The following RIC1 variants were observed in gnomAD, a reference collection of about 807,000 sequenced individuals.
The protein encoded by RIC1 is RIC1 partner of RAB6A GEF complex.
In RIC1, 88 loss-of-function variants were observed where a neutral mutation model predicts 169.0. The ratio of observed to expected loss-of-function variants is 0.52; its 90% CI spans 0.44 to 0.62. The LOEUF (loss-of-function observed/expected upper bound fraction) is 0.62. Ranked by LOEUF, RIC1 falls within the 20% of genes least tolerant of loss-of-function variation. The pLI is 0.00. For missense variants in RIC1, 1,877 were observed against 1,725.5 expected (o/e 1.09, Z -1.56); for synonymous variants, 790 against 601.5 (o/e 1.31, Z -4.59).
chr9:5,723,560 G>T (rs201528118), intron 6 of RIC1, among the ~76,000 whole-genome samples: 22 of 152,162 alleles, frequency 1.4e-4, no homozygotes, highest in African/African-American at 4.3e-4. Context: ...CTCTTTAGTT[G>T]AATTAGATCC....
intron 2 of RIC1, among the ~76,000 whole-genome samples, chr9:5,671,377 C>G (rs1004844202): frequency 2.0e-5 from 3 of 151,828 alleles, no homozygotes; most frequent in African/African-American, 7.3e-5. Context: ...CAGGTTCAAG[C>G]AGTTCTCCCT....
chr9:5,720,554 A>G, intron 5 of RIC1, 60 bp from the exon 6 acceptor site: 1 of 1,480,308 alleles, frequency 6.8e-7, no homozygotes, highest in Non-Finnish European at 9.1e-7. Flanking sequence ...TCTGGCAAAA[A>G]GTGAGAGAGT....
intron 3 of RIC1, among the ~76,000 whole-genome samples, chr9:5,694,100 A>G (rs1219137083): frequency 1.3e-5 from 2 of 152,176 alleles, no homozygotes; most frequent in Non-Finnish European, 2.9e-5. Context: ...CTGCTAATGA[A>G]TTAGTGCCAG....
rs574561389 is a variant in RIC1 at position 5,718,399 on chromosome 9, C to A, written c.441-1783C>A. ...AAAGATAAGAGGGAAGTTAATCTAC[C>A]ATGAAGATCAACAGTGAAGAGGGAA... On this transcript the variant is annotated intron_variant, in intron 4 of 25. Coordinates refer to ENST00000414202, the MANE Select transcript of RIC1 (RefSeq NM_020829.4). 5.3e-5 allele frequency among the ~76,000 whole-genome samples: 8 copies of A among 152,124 alleles called. 1 individual carries two copies. The South Asian group carries it at 1.7e-3, about 32-fold the overall frequency.
chr9:5,747,797 T>TG (rs1825472318), intron 12 of RIC1, among the ~76,000 whole-genome samples: 1 of 151,888 alleles, frequency 6.6e-6, no homozygotes, highest in Non-Finnish European at 1.5e-5. Context: ...TTCAGCCTCT[T>TG]TTTTTGTATA....
intron 2 of RIC1, among the ~76,000 whole-genome samples, chr9:5,664,205 C>A (rs778720545): frequency 1.3e-5 from 2 of 151,980 alleles, no homozygotes; most frequent in African/African-American, 2.4e-5. Flanking sequence ...GTCAAGAGAT[C>A]GACACCATCC....
intron 12 of RIC1, among the ~76,000 whole-genome samples, chr9:5,752,633 G>A (rs1825790303): frequency 6.6e-6 from 1 of 151,920 alleles, no homozygotes; most frequent in African/African-American, 2.4e-5. Context: ...ACGAGATTTC[G>A]CCATGTTGGT....
chr9:5,656,969 C>CT (rs1485412748), intron 2 of RIC1, among the ~76,000 whole-genome samples: 11 of 152,088 alleles, frequency 7.2e-5, no homozygotes, highest in African/African-American at 2.7e-4. Context: ...CCCTTGAAGT[C>CT]TAACTGCTTT....
chr9:5,762,764 G>C (rs752922351), intron 18 of RIC1, 104 bp downstream of exon 18: 1 of 1,375,028 alleles, frequency 7.3e-7, no homozygotes, highest in Non-Finnish European at 9.8e-7. Flanking sequence ...ATTTGGAAAG[G>C]AGAAATTAAG....
intron 2 of RIC1, among the ~76,000 whole-genome samples, chr9:5,686,235 T>G (rs1821211892): frequency 6.6e-6 from 1 of 151,732 alleles, no homozygotes; most frequent in Non-Finnish European, 1.5e-5. Context: ...CTCAGGGATC[T>G]AGAACTAGAA....
chr9:5,719,758 C>T (rs1179497190), intron 4 of RIC1, among the ~76,000 whole-genome samples: 1 of 152,156 alleles, frequency 6.6e-6, no homozygotes, highest in East Asian at 1.9e-4. Flanking sequence ...TAGAACATTT[C>T]CATCATTATT....
At chr9:5,726,476 C>G (rs183134367) in intron 6 of RIC1, among the ~76,000 whole-genome samples, 2 of 152,292 alleles carry the variant, frequency 1.3e-5, no homozygotes, top group Non-Finnish European at 2.9e-5. Context: ...CTCCAGAATA[C>G]AGCACAATGA....
intron 6 of RIC1, among the ~76,000 whole-genome samples, chr9:5,724,537 T>A (rs1361125802): frequency 6.6e-6 from 1 of 152,218 alleles, no homozygotes; most frequent in Non-Finnish European, 1.5e-5. Context: ...TTTTCCTAAT[T>A]GAATACCCTT....
intron 6 of RIC1, among the ~76,000 whole-genome samples, chr9:5,725,427 G>A (rs149415867): frequency 0.011 from 1,730 of 151,994 alleles, 47 homozygotes; most frequent in African/African-American, 0.04. Flanking sequence ...TTTTTATTGC[G>A]TCTACTTGAT....
intron 1 of RIC1, among the ~76,000 whole-genome samples, chr9:5,632,905 C>T (rs767867604): frequency 3.4e-4 from 52 of 152,094 alleles, no homozygotes; most frequent in Non-Finnish European, 4.9e-4. Flanking sequence ...TAGACATTCT[C>T]GTTTTTCAGG....
chr9:5,753,342 C>G, intron 13 of RIC1, 104 bp downstream of exon 13: 2 of 1,063,632 alleles, frequency 1.9e-6, no homozygotes, highest in Non-Finnish European at 2.9e-6. Context: ...AAATAAAACT[C>G]TTGATCTATT....
intron 2 of RIC1, among the ~76,000 whole-genome samples, chr9:5,680,317 C>G (rs1425557429): frequency 1.3e-5 from 2 of 152,112 alleles, no homozygotes; most frequent in Non-Finnish European, 2.9e-5. Context: ...TTTGTTGTGT[C>G]TCTGCCAGGC....
Position 5,769,054 on chromosome 9 carries a change from G to C in RIC1, c.3222G>C (p.Val1074=). The C allele has an allele frequency of 6.2e-7, 1 of 1,614,084 alleles. No homozygotes were observed. The highest frequency in any genetic ancestry group is 1.1e-5 in the South Asian group (1 of 91,074). Residue 1074 remains valine, a synonymous_variant, in exon 22 of 26, where the codon GTG becomes GTC. Transcript: ENST00000414202. ...ATGCTCGGCGCCTCTTAGAAGATGT[G>C]AGGTTAAAGGACCTTGGCTGCTTTG... ...WRHARRLLED[V]RLKDLGCFAA...
intron 1 of RIC1, among the ~76,000 whole-genome samples, chr9:5,641,631 C>G (rs1394659275): frequency 6.9e-6 from 1 of 145,336 alleles, no homozygotes; most frequent in Non-Finnish European, 1.5e-5. Context: ...GTGGTCTCCT[C>G]TGACTATATT....
Sources: allele counts gnomAD v4.1 joint callset (sites outside exome capture counted in the v4.1 genomes callset), GRCh38; gene constraint gnomAD v4.1.1; transcripts MANE v1.5; gene names NCBI Gene and HGNC (gene_info 2026-07-23, HGNC 2026-07-21).